ANKRD30B: variants seen among roughly 807,000 people sequenced by gnomAD.
ANKRD30B encodes ankyrin repeat domain 30B.
A neutral mutation model predicts 202.2 loss-of-function variants in ANKRD30B; 144 were observed. That is an observed-to-expected ratio of 0.71 (90% CI 0.62 to 0.82). The LOEUF (loss-of-function observed/expected upper bound fraction) is 0.82, where lower values mean the gene tolerates loss of function less well. ANKRD30B is among the 40% of genes least tolerant of loss of function. The pLI is 0.00. For missense variants in ANKRD30B, 1,487 were observed against 1,669.1 expected, an observed-to-expected ratio of 0.89 and a Z score of 1.90; for synonymous variants, 508 against 561.3, an observed-to-expected ratio of 0.91 and a Z score of 1.34.
chr18:14,885,625 C>T, the ANKRD30B span, among the ~76,000 whole-genome samples: 2 of 151,838 alleles, frequency 1.3e-5, no homozygotes, highest in African/African-American at 4.8e-5. Flanking sequence ...CAGCTAGGTC[C>T]CCTCGTACAT....
chr18:14,882,680 T>C, the ANKRD30B span, among the ~76,000 whole-genome samples: 1,391 of 151,686 alleles, frequency 9.2e-3, 29 homozygotes, highest in African/African-American at 0.032. Context: ...GTCTTGATGA[T>C]CTGTCTAGTG....
At chr18:14,818,330 C>G (rs912804814) in intron 30 of ANKRD30B, among the ~76,000 whole-genome samples, 1 of 151,924 alleles carries the variant, frequency 6.6e-6, no homozygotes, top group Non-Finnish European at 1.5e-5. Flanking sequence ...AAATTGACTT[C>G]TAATTTTTGA....
intron 30 of ANKRD30B, among the ~76,000 whole-genome samples, chr18:14,817,814 C>CATCATA (rs1379874462): frequency 6.6e-6 from 1 of 152,158 alleles, no homozygotes; most frequent in Non-Finnish European, 1.5e-5. Flanking sequence ...ATGACCTTCT[C>CATCATA]ATCATAATTA....
the ANKRD30B span, among the ~76,000 whole-genome samples, chr18:14,904,528 T>C: frequency 6.6e-6 from 1 of 152,094 alleles, no homozygotes; most frequent in Admixed American, 6.6e-5. Flanking sequence ...ACTCCATTGA[T>C]CTTTTTCTAT....
chr18:14,869,534 G>A, the ANKRD30B span, among the ~76,000 whole-genome samples: 2 of 152,092 alleles, frequency 1.3e-5, no homozygotes, highest in Non-Finnish European at 2.9e-5. Context: ...TTAGCATTTA[G>A]CAGATGACCA....
In ANKRD30B at chr18:14,852,338, A is replaced by G. The variant is rs576560716; in HGVS notation, c.4394A>G (p.Glu1465Gly). Residue 1465 changes from glutamate to glycine, a missense_variant, in exon 42 of 44, where the codon GAG (glutamate) becomes GGG (glycine). Physicochemically the swap from Glu to Gly is moderately conservative, Grantham distance 98. Transcript: ENST00000690538. ...PEMKMQRHLNEKNEEVFNYGN... is the reference protein window; with the variant it reads ...PEMKMQRHLNGKNEEVFNYGN... ...ATGAAAATGCAACGTCATCTAAACG[A>G]GAAAAATGAGGAGGTATTCAATTAT... 2.1e-5 allele frequency: 32 copies of G among 1,541,440 alleles called. No individual in the cohort carries two copies. The East Asian group carries it at 7.6e-4, about 37-fold the overall frequency.
At chr18:14,760,516 TA>T in intron 5 of ANKRD30B, 37 bp from the exon 6 acceptor site, 1 of 1,158,640 alleles carries the variant, frequency 8.6e-7, no homozygotes, top group East Asian at 2.6e-5. Flanking sequence ...TATATCTTGT[TA>T]AAATAGTAAT....
the ANKRD30B span, among the ~76,000 whole-genome samples, chr18:14,866,647 C>T: frequency 5.1e-4 from 78 of 152,216 alleles, no homozygotes; most frequent in Non-Finnish European, 8.8e-4. Context: ...AGGGTAGGTG[C>T]GCTCTCTGCA....
the ANKRD30B span, among the ~76,000 whole-genome samples, chr18:14,881,668 C>T: frequency 6.6e-6 from 1 of 151,332 alleles, no homozygotes; most frequent in Non-Finnish European, 1.5e-5. Context: ...ATCATTTCTT[C>T]TTTGAATGAA....
At position 14,810,163 on chromosome 18, in the gene ANKRD30B, G is replaced by A; in HGVS notation, c.2471G>A (p.Arg824Lys). ...LPNKALELKD[R>K]ETLKAAQMFP... ...AATAAAGCCTTAGAATTAAAGGACAGAGAAACATTAAAAGCAGGTAAACTT... is the reference window on the plus strand; with the variant it reads ...AATAAAGCCTTAGAATTAAAGGACAAAGAAACATTAAAAGCAGGTAAACTT... The change falls in exon 28 of 44, where the codon AGA becomes AAA. Residue 824 changes from arginine to lysine, a missense_variant. By Grantham distance (26) the Arg-to-Lys change is conservative. Around this residue, in one of 6 missense-constraint regions of ANKRD30B, gnomAD observed 218 missense variants for 320.1 expected, o/e 0.68. Transcript: ENST00000690538. 1 of 1,436,260 alleles carries A rather than the reference G, an allele frequency of 7.0e-7. No individual in the cohort carries two copies. The highest frequency in any genetic ancestry group is 2.5e-5 in the East Asian group (1 of 39,624). The allele number at this position is 1,436,260 out of a possible 1,614,324, so 89.0% of individuals were successfully genotyped here.
intron 32 of ANKRD30B, among the ~76,000 whole-genome samples, chr18:14,826,529 A>T (rs1393933913): frequency 6.6e-6 from 1 of 152,110 alleles, no homozygotes; most frequent in Non-Finnish European, 1.5e-5. Flanking sequence ...AGGGTCTAGG[A>T]AATTGTCTAG....
the ANKRD30B span, among the ~76,000 whole-genome samples, chr18:14,938,457 C>T: frequency 2.0e-5 from 3 of 152,178 alleles, no homozygotes; most frequent in African/African-American, 7.2e-5. Context: ...CCCATATTCC[C>T]TTTCTCCTCT....
At chr18:14,932,186 T>A in the ANKRD30B span, among the ~76,000 whole-genome samples, 1 of 151,412 alleles carries the variant, frequency 6.6e-6, no homozygotes, top group East Asian at 2.0e-4. Flanking sequence ...CCCTTGTGCC[T>A]CATCCCAGAC....
At chr18:14,831,181 GAAAA>G (rs71305894) in intron 33 of ANKRD30B, among the ~76,000 whole-genome samples, 198 bp from the exon 34 acceptor site, 5 of 52,360 alleles carry the variant, frequency 9.5e-5, no homozygotes, top group African/African-American at 1.5e-4. Flanking sequence ...CTCCGTCTCG[GAAAA>G]AAAAAAAAAA....
At chr18:14,769,135 G>A (rs1022352766) in intron 7 of ANKRD30B, among the ~76,000 whole-genome samples, 1 of 152,080 alleles carries the variant, frequency 6.6e-6, no homozygotes, top group Non-Finnish European at 1.5e-5. Flanking sequence ...ACGAAAATAT[G>A]CATGATTCTT....
At chr18:14,790,857 T>C (rs1381589377) in intron 15 of ANKRD30B, among the ~76,000 whole-genome samples, 1 of 152,056 alleles carries the variant, frequency 6.6e-6, no homozygotes. Context: ...TTCTCTTTTT[T>C]TTGTTGTGTC....
rs763836128 is a variant in ANKRD30B, at chr18:14,850,175, T to C, written c.3396-39T>C. 2.7e-5 allele frequency: 35 copies of C among 1,285,074 alleles called. No individual in the cohort carries two copies. In the Middle Eastern group the frequency reaches 5.8e-4, roughly 21 times the overall value. 79.6% of individuals were successfully genotyped at this position (1,285,074 alleles called of 1,614,324 possible). A position where few individuals can be genotyped will look rare whatever the true frequency, so the allele number is the denominator to read the frequency against. On this transcript the variant is annotated intron_variant, in intron 40 of 43. Transcript: ENST00000690538. Reference sequence around the variant, plus strand: ...AGATCTCAAAGTGAATTCTATTTTCTAACAAAATGAATTTTAAGATAAGTA... The same window carrying C: ...AGATCTCAAAGTGAATTCTATTTTCCAACAAAATGAATTTTAAGATAAGTA...
chr18:14,765,428 A>T (rs1598584025), intron 7 of ANKRD30B, among the ~76,000 whole-genome samples: 1 of 151,292 alleles, frequency 6.6e-6, no homozygotes, highest in Non-Finnish European at 1.5e-5. Context: ...GCACCATTGC[A>T]CTCCAGCCTG....
chr18:14,784,406 A>G (rs374013941), intron 13 of ANKRD30B, 42 bp downstream of exon 13: 168 of 1,610,888 alleles, frequency 1.0e-4, no homozygotes, highest in Middle Eastern at 1.6e-4. Context: ...CTTATTAACT[A>G]TGTACTTTGT....
Sources: allele counts gnomAD v4.1 joint callset (sites outside exome capture counted in the v4.1 genomes callset), GRCh38; gene constraint gnomAD v4.1.1; regional missense constraint gnomAD v4.1.1; transcripts MANE v1.5; gene names NCBI Gene and HGNC (gene_info 2026-07-23, HGNC 2026-07-21).